Variants in YIPF4 observed in about 807,000 individuals in gnomAD.
YIPF4 encodes Yip1 domain family member 4.
In YIPF4, 18 loss-of-function variants were observed where a neutral mutation model predicts 29.4. The observed-to-expected ratio is 0.61, with a 90% CI of 0.42 to 0.91. The LOEUF (loss-of-function observed/expected upper bound fraction) is 0.91. YIPF4 is among the 40% of genes least tolerant of loss of function. The pLI, the probability that YIPF4 is intolerant of heterozygous loss-of-function variation, is 0.00. For synonymous variants in YIPF4, 115 were observed against 104.7 expected (o/e 1.10, Z -0.60); for missense variants, 279 against 282.7 (o/e 0.99, Z 0.09).
At position 32,301,392 on chromosome 2, in the gene YIPF4, G is replaced by A; in HGVS notation, c.494G>A (p.Gly165Asp). 6.2e-7 allele frequency: 1 copy of A among 1,606,670 alleles called. No individual in the cohort carries two copies. Among genetic ancestry groups the A allele is most frequent in the Non-Finnish European group, 8.5e-7 (1 of 1,177,048 alleles). Residue 165 changes from glycine (G) to aspartate (D), a missense_variant, in exon 5 of 6, where the codon GGC becomes GAC. Transcript: ENST00000238831. ...ARVLGGEVAYGQVLGVIGYSL... is the reference protein window; with the variant it reads ...ARVLGGEVAYDQVLGVIGYSL... Reference sequence around the variant, plus strand: ...TTTCAAAATTCACAGGTTGCATATGGCCAAGTCCTTGGAGTTATAGGATAT... The same window carrying A: ...TTTCAAAATTCACAGGTTGCATATGACCAAGTCCTTGGAGTTATAGGATAT...
Position 32,306,609 on chromosome 2 carries a change from A to G in YIPF4, c.*983A>G. On this transcript the variant is annotated 3_prime_UTR_variant, in exon 6 of 6. Transcript: ENST00000238831. Reference sequence around the variant, plus strand: ...ACAGCACCATGTCCTGTATTACTTGATATTTTAACAAGTATCAGGTACTCT... The same window carrying G: ...ACAGCACCATGTCCTGTATTACTTGGTATTTTAACAAGTATCAGGTACTCT... 1 of 984,266 alleles carries G rather than the reference A, an allele frequency of 1.0e-6. No homozygotes were observed. The highest frequency in any genetic ancestry group is 4.7e-5 in the South Asian group (1 of 21,264). The allele number at this position is 984,266 out of a possible 1,614,324, so 61.0% of individuals were successfully genotyped here. A position where few individuals can be genotyped will look rare whatever the true frequency, so the allele number is the denominator to read the frequency against.
chr2:32,278,297 C>G, intron 1 of YIPF4, 63 bp downstream of exon 1: 1 of 1,464,726 alleles, frequency 6.8e-7, no homozygotes, highest in Admixed American at 2.2e-5. Flanking sequence ...GCCGTAGGGT[C>G]TTTCTGGTGC....
Position 32,314,342 on chromosome 2 carries a change from T to C in YIPF4, c.*8716T>C, listed in dbSNP as rs562776559. The C allele has an allele frequency of 6.6e-6, 1 of 152,342 alleles. No individual in the cohort carries two copies. The highest frequency in any genetic ancestry group is 1.9e-4 in the East Asian group (1 of 5,188). The allele number at this position is 152,342 out of a possible 1,614,324, so 9.4% of individuals were successfully genotyped here. On this transcript the variant is annotated 3_prime_UTR_variant, in exon 6 of 6. Transcript: ENST00000238831. ...ACAGGCAAAATTAAGCTATAGTGTT[T>C]AGGGATGCATACTGAAATGCAGTCT...
intron 1 of YIPF4, among the ~76,000 whole-genome samples, chr2:32,287,958 G>A (rs183185672): frequency 6.6e-6 from 1 of 152,118 alleles, no homozygotes; most frequent in African/African-American, 2.4e-5. Context: ...TTTACTATCT[G>A]GACGTCTATC....
chr2:32,278,457 T>C (rs398290), intron 1 of YIPF4, among the ~76,000 whole-genome samples: 98,969 of 151,852 alleles, frequency 0.65, 32,854 homozygotes, highest in African/African-American at 0.73. Flanking sequence ...CGGTCAGCCC[T>C]TGGTTTTCCC....
At chr2:32,282,435 G>A (rs1251057789) in intron 1 of YIPF4, among the ~76,000 whole-genome samples, 1 of 152,060 alleles carries the variant, frequency 6.6e-6, no homozygotes, top group Non-Finnish European at 1.5e-5. Flanking sequence ...TACCTTTTTT[G>A]TTTTGTTTTG....
At chr2:32,294,460 C>T (rs1399955761) in intron 3 of YIPF4, among the ~76,000 whole-genome samples, 1 of 151,272 alleles carries the variant, frequency 6.6e-6, no homozygotes, top group African/African-American at 2.4e-5. Context: ...CCCCACATCT[C>T]AGACGATGGG....
intron 1 of YIPF4, among the ~76,000 whole-genome samples, chr2:32,280,135 A>ATTTT (rs1353044337): frequency 7.1e-6 from 1 of 141,550 alleles, no homozygotes; most frequent in African/African-American, 2.6e-5. Flanking sequence ...ATATATATAT[A>ATTTT]TTTTTTTTTT....
In YIPF4 at chr2:32,313,197, A is replaced by T. The variant is rs1299714515; in HGVS notation, c.*7571A>T. 3 of 152,188 alleles carry T rather than the reference A, an allele frequency of 2.0e-5. No individual in the cohort carries two copies. Among genetic ancestry groups the T allele is most frequent in the African/African-American group, 4.8e-5 (2 of 41,442 alleles). The allele number at this position is 152,188 out of a possible 1,614,324, so 9.4% of individuals were successfully genotyped here. Reference sequence around the variant, plus strand: ...GAAATCTTAGGGAAAAATAAAAGTTAACTAGGCAAAGAAGGTAGGGAAGAC... The same window carrying T: ...GAAATCTTAGGGAAAAATAAAAGTTTACTAGGCAAAGAAGGTAGGGAAGAC... On this transcript the variant is annotated 3_prime_UTR_variant, in exon 6 of 6. Coordinates refer to ENST00000238831, the MANE Select transcript of YIPF4 (RefSeq NM_032312.4).
chr2:32,293,680 C>T (rs1444045636), intron 3 of YIPF4, among the ~76,000 whole-genome samples: 1 of 152,074 alleles, frequency 6.6e-6, no homozygotes, highest in Non-Finnish European at 1.5e-5. Flanking sequence ...GGCAGAGGCA[C>T]CCCTCACCTC....
intron 1 of YIPF4, among the ~76,000 whole-genome samples, chr2:32,285,678 C>T (rs1287985940): frequency 1.2e-4 from 17 of 143,204 alleles, no homozygotes; most frequent in African/African-American, 3.9e-4. Flanking sequence ...TTTTTGGAGA[C>T]GGAGTCTTGC....
At chr2:32,296,282 G>C (rs1236647797) in intron 3 of YIPF4, among the ~76,000 whole-genome samples, 1 of 152,034 alleles carries the variant, frequency 6.6e-6, no homozygotes, top group Non-Finnish European at 1.5e-5. Context: ...GACCAGCCTG[G>C]CCAACATGGT....
At chr2:32,290,301 C>A (rs182431387) in intron 1 of YIPF4, among the ~76,000 whole-genome samples, 182 bp from the exon 2 acceptor site, 43 of 152,148 alleles carry the variant, frequency 2.8e-4, no homozygotes, top group Non-Finnish European at 5.6e-4. Flanking sequence ...TCATTTTATT[C>A]TTATAAAATA....
At position 32,316,563 on chromosome 2, in the gene YIPF4, A is replaced by T. The variant is rs1291260769; in HGVS notation, c.*10937A>T. On this transcript the variant is annotated 3_prime_UTR_variant, in exon 6 of 6. Transcript: ENST00000238831. ...GGTAAATAGTATTATTGTAAGTACA[A>T]CACTAAAATTAATAAATTGTGTAAA... 6.6e-6 allele frequency: 1 copy of T among 152,198 alleles called. No individual in the cohort carries two copies. Among genetic ancestry groups the T allele is most frequent in the African/African-American group, 2.4e-5 (1 of 41,446 alleles). The allele number at this position is 152,198 out of a possible 1,614,324, so 9.4% of individuals were successfully genotyped here.
intron 1 of YIPF4, among the ~76,000 whole-genome samples, chr2:32,284,481 C>T (rs187421166): frequency 6.6e-6 from 1 of 152,102 alleles, no homozygotes. Flanking sequence ...TGAGTTCTCA[C>T]AAGGTCTGGT....
At chr2:32,297,666 TAAATA>T in intron 3 of YIPF4, among the ~76,000 whole-genome samples, 1 of 151,932 alleles carries the variant, frequency 6.6e-6, no homozygotes, top group East Asian at 1.9e-4. Context: ...AATAAATACA[TAAATA>T]AAATAATAAA....
chr2:32,292,419 T>G, intron 3 of YIPF4, 71 bp downstream of exon 3: 1 of 1,139,084 alleles, frequency 8.8e-7, no homozygotes, highest in Non-Finnish European at 1.2e-6. Context: ...AATAAGATAT[T>G]AACTGTAATA....
chr2:32,294,900 A>C (rs569072075), intron 3 of YIPF4, among the ~76,000 whole-genome samples: 21 of 152,318 alleles, frequency 1.4e-4, no homozygotes, highest in African/African-American at 3.8e-4. Context: ...CCCCGTCTCC[A>C]CCAAAAAAAT....
intron 3 of YIPF4, among the ~76,000 whole-genome samples, chr2:32,297,920 T>G (rs2031256228): frequency 6.6e-6 from 1 of 152,162 alleles, no homozygotes; most frequent in African/African-American, 2.4e-5. Flanking sequence ...AAATAAATTT[T>G]TCTTCTGGGA....
Sources: gnomAD v4.1 joint callset for allele counts (sites outside exome capture counted in the v4.1 genomes callset) on GRCh38, gnomAD v4.1.1 for gene constraint, MANE v1.5 for transcripts, NCBI Gene and HGNC (gene_info 2026-07-23, HGNC 2026-07-21) for gene names.